The following SHISAL1 variants were observed in gnomAD, a reference collection of about 807,000 sequenced individuals.
SHISAL1 encodes shisa like 1.
SHISAL1 carries 9 observed loss-of-function variants against 22.6 expected under a neutral mutation model. The ratio of observed to expected loss-of-function variants is 0.40; its 90% CI spans 0.24 to 0.70. The LOEUF (loss-of-function observed/expected upper bound fraction) is 0.70, where lower values mean the gene tolerates loss of function less well. Ranked by LOEUF, SHISAL1 falls within the 30% of genes least tolerant of loss-of-function variation. The pLI is 0.39. For missense variants in SHISAL1, 246 were observed against 270.6 expected, an observed-to-expected ratio of 0.91 and a Z score of 0.64; for synonymous variants, 119 against 115.4, an observed-to-expected ratio of 1.03 and a Z score of -0.20.
chr22:44,328,179 T>C, the SHISAL1 span, among the ~76,000 whole-genome samples: 1 of 152,160 alleles, frequency 6.6e-6, no homozygotes, highest in Non-Finnish European at 1.5e-5. Context: ...AAAGTGAGAC[T>C]GCGGGGCCCC....
intron 1 of SHISAL1, 101 bp from the exon 2 acceptor site, chr22:44,301,078 G>A: frequency 1.4e-6 from 1 of 736,016 alleles, no homozygotes. Flanking sequence ...GCGGGCAGGA[G>A]AGCGAGTTTG....
rs543785043 is a variant in SHISAL1, at chr22:44,261,466, G to A, written c.*-11781C>T. On this transcript the variant is annotated intron_variant, in intron 4 of 4. Coordinates refer to ENST00000381176, the MANE Select transcript of SHISAL1 (RefSeq NM_001099294.2). Reference sequence around the variant, plus strand: ...CACTGCAGAGTCCCATGGTAGAGATGACCATGGCCTCAATGTCAGACAAGC... The same window carrying A: ...CACTGCAGAGTCCCATGGTAGAGATAACCATGGCCTCAATGTCAGACAAGC... Among the ~76,000 whole-genome samples, 15 of 152,246 alleles carry A rather than the reference G, an allele frequency of 9.9e-5. No individual in the cohort carries two copies. The South Asian group carries it at 2.5e-3, about 25-fold the overall frequency.
upstream of SHISAL1, among the ~76,000 whole-genome samples, chr22:44,313,160 C>T (rs1310625271): frequency 6.6e-6 from 1 of 152,262 alleles, no homozygotes; most frequent in East Asian, 1.9e-4. Context: ...AAACTAGAGA[C>T]ACTCCCTGTG....
chr22:44,277,201 G>A lies in SHISAL1; in HGVS notation c.599+8227C>T, dbSNP rs113527361. ...GCCGTGAACAGTGGGGAAGGCTCAC[G>A]GACGCGATGCCGGGAGAGGGATCCA... On this transcript the variant is annotated intron_variant, in intron 4 of 4. Coordinates refer to ENST00000381176, the MANE Select transcript of SHISAL1 (RefSeq NM_001099294.2). Among the ~76,000 whole-genome samples the A allele has an allele frequency of 5.0e-3, 756 of 152,308 alleles. 4 individuals carry two copies. The highest frequency in any genetic ancestry group is 0.017 in the African/African-American group (712 of 41,560).
intron 4 of SHISAL1, among the ~76,000 whole-genome samples, chr22:44,275,392 C>T (rs921294344): frequency 1.3e-5 from 2 of 152,230 alleles, no homozygotes; most frequent in Admixed American, 6.5e-5. Flanking sequence ...GGGCCGACGG[C>T]GGATCAGAAG....
intron 1 of SHISAL1, among the ~76,000 whole-genome samples, chr22:44,305,291 A>G (rs557555295): frequency 1.3e-5 from 2 of 152,320 alleles, no homozygotes; most frequent in African/African-American, 2.4e-5. Flanking sequence ...AGGAACACAG[A>G]AGAGGTGAGT....
intron 4 of SHISAL1, among the ~76,000 whole-genome samples, chr22:44,265,797 C>T (rs1253364829): frequency 2.0e-5 from 3 of 152,214 alleles, no homozygotes; most frequent in Non-Finnish European, 2.9e-5. Flanking sequence ...CACACCCCAG[C>T]GATGGGGAGC....
the SHISAL1 span, among the ~76,000 whole-genome samples, chr22:44,321,971 G>A: frequency 1.3e-5 from 2 of 152,138 alleles, no homozygotes; most frequent in Non-Finnish European, 1.5e-5. Flanking sequence ...CAGGAGGCAG[G>A]AGGCTGGGCA....
chr22:44,261,916 T>C (rs2055127327), intron 4 of SHISAL1, among the ~76,000 whole-genome samples: 1 of 152,226 alleles, frequency 6.6e-6, no homozygotes. Context: ...CTCCCCTCAC[T>C]CAGTGGCAAC....
intron 4 of SHISAL1, among the ~76,000 whole-genome samples, chr22:44,260,973 C>A (rs1183288813): frequency 6.6e-6 from 1 of 151,324 alleles, no homozygotes; most frequent in Non-Finnish European, 1.5e-5. Context: ...CTGGTGGACC[C>A]GGGAGGGAAG....
rs2054997418 is a variant in SHISAL1 at position 44,245,992 on chromosome 22, A to G, written c.*3693T>C. The G allele has an allele frequency of 6.6e-6, 1 of 152,258 alleles. No individual in the cohort carries two copies. Among genetic ancestry groups the G allele is most frequent in the Non-Finnish European group, 1.5e-5 (1 of 68,074 alleles). The allele number at this position is 152,258 out of a possible 1,614,324, so 9.4% of individuals were successfully genotyped here. On this transcript the variant is annotated 3_prime_UTR_variant, in exon 5 of 5. Coordinates refer to ENST00000381176, the MANE Select transcript of SHISAL1 (RefSeq NM_001099294.2). ...TGAAATCACCTGTGTGTGTGCGCGC[A>G]TGTGCATGTATGTACTTGTGTGTTT...
At position 44,245,922 on chromosome 22, in the gene SHISAL1, G is replaced by A. The variant is rs1950156120; in HGVS notation, c.*3763C>T. The stretch of plus-strand genomic sequence containing the variant: ...GAACACTGTCAGCTGCCTACTTGCT[G>A]CTTTCTAGAGCATTGGAGACAGCAA... On this transcript the variant is annotated 3_prime_UTR_variant, in exon 5 of 5. Coordinates refer to ENST00000381176, the MANE Select transcript of SHISAL1 (RefSeq NM_001099294.2). 2.6e-5 allele frequency: 4 copies of A among 152,272 alleles called. No homozygotes were observed. The highest frequency in any genetic ancestry group is 7.2e-5 in the African/African-American group (3 of 41,464). The allele number at this position is 152,272 out of a possible 1,614,324, so 9.4% of individuals were successfully genotyped here. A position where few individuals can be genotyped will look rare whatever the true frequency, so the allele number is the denominator to read the frequency against.
chr22:44,315,808 G>T (rs1015391300), upstream of SHISAL1, among the ~76,000 whole-genome samples: 1 of 152,082 alleles, frequency 6.6e-6, no homozygotes, highest in African/African-American at 2.4e-5. Flanking sequence ...TGAAGAACAC[G>T]CAGGGCCCTG....
intron 3 of SHISAL1, among the ~76,000 whole-genome samples, chr22:44,292,575 C>T (rs757631945): frequency 2.2e-4 from 34 of 152,298 alleles, no homozygotes; most frequent in Non-Finnish European, 3.7e-4. Flanking sequence ...ATCGTGTGGC[C>T]GGGGCCCCAA....
intron 2 of SHISAL1, 77 bp from the exon 3 acceptor site, chr22:44,296,962 C>A (rs1220042389): frequency 1.7e-6 from 2 of 1,163,764 alleles, no homozygotes; most frequent in East Asian, 4.7e-5. Context: ...GACTGGCCGG[C>A]CTCTTCTCAG....
At chr22:44,262,061 C>A (rs2055128498) in intron 4 of SHISAL1, among the ~76,000 whole-genome samples, 1 of 152,240 alleles carries the variant, frequency 6.6e-6, no homozygotes, top group Non-Finnish European at 1.5e-5. Flanking sequence ...GGAGCCACAC[C>A]AGGACCCTGA....
intron 3 of SHISAL1, among the ~76,000 whole-genome samples, chr22:44,286,116 T>G (rs1263383514): frequency 6.6e-6 from 1 of 152,152 alleles, no homozygotes; most frequent in Non-Finnish European, 1.5e-5. Context: ...GTCTGCCCTC[T>G]CCCTCCTTCC....
chr22:44,280,163 T>C (rs917665237), intron 4 of SHISAL1, among the ~76,000 whole-genome samples: 5 of 151,898 alleles, frequency 3.3e-5, no homozygotes, highest in African/African-American at 1.2e-4. Flanking sequence ...GCAGAGCACA[T>C]TGGGAAGAGA....
intron 4 of SHISAL1, among the ~76,000 whole-genome samples, chr22:44,280,096 C>T (rs2055265995): frequency 6.6e-6 from 1 of 152,168 alleles, no homozygotes; most frequent in Non-Finnish European, 1.5e-5. Flanking sequence ...CACTCAGGCC[C>T]CTAGACCTCA....
Sources: allele counts gnomAD v4.1 joint callset (sites outside exome capture counted in the v4.1 genomes callset), GRCh38; gene constraint gnomAD v4.1.1; transcripts MANE v1.5; gene names NCBI Gene and HGNC (gene_info 2026-07-23, HGNC 2026-07-21).